CDC7: variants seen among roughly 807,000 people sequenced by gnomAD.
CDC7 encodes the protein cell division cycle 7-related protein kinase.
In CDC7, 34 loss-of-function variants were observed where a neutral mutation model predicts 53.5. The observed-to-expected ratio is 0.64, with a 90% confidence interval of 0.48 to 0.85. The LOEUF is 0.85. Among genes scored for constraint, CDC7 ranks in the 40% least tolerant of loss-of-function variants. The pLI is 0.00. For synonymous variants in CDC7, 211 were observed against 222.8 expected (o/e 0.95, Z 0.47); for missense variants, 594 against 679.7 (o/e 0.87, Z 1.40).
intron 10 of CDC7, among the ~76,000 whole-genome samples, chr1:91,518,607 C>T (rs989898092): frequency 3.3e-5 from 5 of 152,084 alleles, no homozygotes; most frequent in Admixed American, 6.5e-5. Flanking sequence ...AACTGGAGAT[C>T]ATTATGTCAG....
rs7520738 is a variant in CDC7 at position 91,507,724 on chromosome 1, A to G, written c.116-130A>G. ...CTTGATGGGTTTTAATCTTATCACAATGTTATTAAAACTTATGTATAATTA... is the reference window on the plus strand; with the variant it reads ...CTTGATGGGTTTTAATCTTATCACAGTGTTATTAAAACTTATGTATAATTA... On this transcript the variant is annotated intron_variant, in intron 2 of 11. Coordinates refer to ENST00000234626, the MANE Select transcript of CDC7 (RefSeq NM_003503.4). 6,738 of 639,800 alleles carry G rather than the reference A, an allele frequency of 0.011. 340 individuals are homozygous for G. The African/African-American group carries it at 0.11, about 10-fold the overall frequency. 39.6% of individuals were successfully genotyped at this position (639,800 alleles called of 1,614,324 possible). A position where few individuals can be genotyped will look rare whatever the true frequency, so the allele number is the denominator to read the frequency against.
In CDC7 at chr1:91,523,907, TGTGTG is replaced by T; in HGVS notation, c.1331-133_1331-129del. On this transcript the variant is annotated intron_variant, in intron 11 of 11. Transcript: ENST00000234626. ...CTCTATCTCATACTGTGTGTGTGTG[TGTGTG>T]TGTGTGTGTGTGTCCATGTCTATAA... 4 of 589,054 alleles carry T rather than the reference TGTGTG, an allele frequency of 6.8e-6. 1 individual carries two copies. Among genetic ancestry groups the T allele is most frequent in the Non-Finnish European group, 1.2e-5 (4 of 339,194 alleles). 36.5% of individuals were successfully genotyped at this position (589,054 alleles called of 1,614,324 possible). A position where few individuals can be genotyped will look rare whatever the true frequency, so the allele number is the denominator to read the frequency against.
intron 10 of CDC7, among the ~76,000 whole-genome samples, chr1:91,517,188 A>C (rs1490923098): frequency 6.6e-6 from 1 of 152,238 alleles, no homozygotes. Flanking sequence ...TACTGTAGAT[A>C]TTGGAAAGTT....
intron 4 of CDC7, 104 bp from the exon 5 acceptor site, chr1:91,511,493 A>G (rs548829262): frequency 1.9e-5 from 12 of 643,482 alleles, no homozygotes; most frequent in Middle Eastern, 2.6e-4. Flanking sequence ...TCAGTTTTCT[A>G]GCAATATGTA....
intron 2 of CDC7, among the ~76,000 whole-genome samples, chr1:91,505,125 T>C (rs560510795): frequency 1.8e-4 from 28 of 152,278 alleles, no homozygotes; most frequent in African/African-American, 5.3e-4. Context: ...AGGAGTGACC[T>C]GTGCAGATAT....
chr1:91,507,802 T>C, intron 2 of CDC7, 52 bp from the exon 3 acceptor site: 1 of 1,107,594 alleles, frequency 9.0e-7, no homozygotes, highest in South Asian at 1.5e-5. Context: ...TTTAAGAAAC[T>C]GTAAAATATA....
Position 91,513,107 on chromosome 1 carries a change from A to G in CDC7, c.622A>G (p.Ile208Val). 1 of 1,613,568 alleles carries G rather than the reference A, an allele frequency of 6.2e-7. No homozygotes were observed. The highest frequency in any genetic ancestry group is 8.5e-7 in the Non-Finnish European group (1 of 1,179,606). ...GLAQGTHDTK[I>V]ELLKFVQSEA... is the part of the protein sequence containing the mutation. ...GGCCCAAGGAACCCATGATACGAAA[A>G]TAGAGCTTCTTAAATTTGTCCAGTC... The change falls in exon 7 of 12, where the codon ATA (isoleucine) becomes GTA (valine). Residue 208 changes from isoleucine (I) to valine (V), a missense_variant. Coordinates refer to ENST00000234626, the MANE Select transcript of CDC7 (RefSeq NM_003503.4).
At chr1:91,505,969 CTT>C (rs1192089357) in intron 2 of CDC7, among the ~76,000 whole-genome samples, 1 of 152,126 alleles carries the variant, frequency 6.6e-6, no homozygotes, top group Non-Finnish European at 1.5e-5. Flanking sequence ...TGCATTCTCT[CTT>C]GTCTTCCTCA....
At chr1:91,521,599 T>C (rs1235609726) in intron 11 of CDC7, among the ~76,000 whole-genome samples, 1 of 152,228 alleles carries the variant, frequency 6.6e-6, no homozygotes, top group East Asian at 1.9e-4. Flanking sequence ...AGAAATGGCA[T>C]TCTTACATAA....
chr1:91,515,205 C>T (rs1415702576), intron 9 of CDC7, among the ~76,000 whole-genome samples: 4 of 152,168 alleles, frequency 2.6e-5, no homozygotes, highest in Non-Finnish European at 5.9e-5. Context: ...CTGGAAAACA[C>T]ATTTGCTCTT....
At chr1:91,518,983 C>G (rs1667752843) in intron 10 of CDC7, among the ~76,000 whole-genome samples, 1 of 150,494 alleles carries the variant, frequency 6.6e-6, no homozygotes, top group Non-Finnish European at 1.5e-5. Flanking sequence ...ATCACTTGAG[C>G]CTGGGAGGCG....
chr1:91,514,756 T>A lies in CDC7; in HGVS notation c.919-63T>A. ...CTTCCGCTATTGCTTTTTGCCATAC[T>A]AGCATTTTAGGACATCATGTTTAAT... On this transcript the variant is annotated intron_variant, in intron 8 of 11. Coordinates refer to ENST00000234626, the MANE Select transcript of CDC7 (RefSeq NM_003503.4). 8 of 1,301,746 alleles carry A rather than the reference T, an allele frequency of 6.1e-6. 1 individual carries two copies. The South Asian group carries it at 1.3e-4, about 22-fold the overall frequency. The allele number at this position is 1,301,746 out of a possible 1,614,324, so 80.6% of individuals were successfully genotyped here. A position where few individuals can be genotyped will look rare whatever the true frequency, so the allele number is the denominator to read the frequency against.
At chr1:91,518,706 A>G (rs1667735180) in intron 10 of CDC7, among the ~76,000 whole-genome samples, 1 of 152,064 alleles carries the variant, frequency 6.6e-6, no homozygotes. Flanking sequence ...ACCCATAGAG[A>G]GCAGAAAGAT....
chr1:91,514,705 G>C, intron 8 of CDC7, 114 bp from the exon 9 acceptor site: 3 of 710,116 alleles, frequency 4.2e-6, no homozygotes, highest in Non-Finnish European at 6.7e-6. Flanking sequence ...CAGTCCAATA[G>C]CCATTCAGCA....
intron 4 of CDC7, among the ~76,000 whole-genome samples, chr1:91,510,927 G>A (rs1336214020): frequency 6.6e-6 from 1 of 152,016 alleles, no homozygotes; most frequent in Non-Finnish European, 1.5e-5. Context: ...CTTCTTCCAA[G>A]CTCAGTTTTC....
At chr1:91,518,093 C>CA (rs55787737) in intron 10 of CDC7, among the ~76,000 whole-genome samples, 1,884 of 45,934 alleles carry the variant, frequency 0.041, 297 homozygotes, top group East Asian at 0.18. Context: ...GACTCAGTCT[C>CA]AAAAAAAAAA....
intron 10 of CDC7, among the ~76,000 whole-genome samples, chr1:91,516,748 A>ATT (rs1667578235): frequency 6.6e-6 from 1 of 152,190 alleles, no homozygotes; most frequent in Admixed American, 6.5e-5. Flanking sequence ...GGAACTCAAG[A>ATT]AACAGCATAC....
Position 91,520,120 on chromosome 1 carries a change from TCTG to T in CDC7, c.1181-9_1181-7del. ...TGAAATTTATTTTTAAAATTTGTCT[TCTG>T]TTGCAGCAATTGACATGTGGTCTGC... is the stretch of plus-strand genomic sequence containing the variant. On this transcript the variant is annotated splice_region_variant and splice_polypyrimidine_tract_variant and intron_variant, in intron 10 of 11. Transcript: ENST00000234626. The T allele has an allele frequency of 6.5e-7, 1 of 1,546,936 alleles. No individual in the cohort carries two copies. The highest frequency in any genetic ancestry group is 2.3e-5 in the East Asian group (1 of 43,254).
chr1:91,511,912 GCGC>G lies in CDC7; in HGVS notation c.563_565del (p.Arg188del). On this transcript the variant is annotated inframe_deletion, in exon 6 of 12. Coordinates refer to ENST00000234626, the MANE Select transcript of CDC7 (RefSeq NM_003503.4). ...AGCCCAGCAATTTTTTATATAATAG[GCGC>G]CTGAAAAAGTAAGTATGAAGAGTTA... 2 of 1,577,446 alleles carry G rather than the reference GCGC, an allele frequency of 1.3e-6. No individual in the cohort carries two copies. The highest frequency in any genetic ancestry group is 1.7e-6 in the Non-Finnish European group (2 of 1,156,274).
Sources: gnomAD v4.1 joint callset for allele counts (sites outside exome capture counted in the v4.1 genomes callset) on GRCh38, gnomAD v4.1.1 for gene constraint, MANE v1.5 for transcripts, NCBI Gene and HGNC (gene_info 2026-07-23, HGNC 2026-07-21) for gene names.